The following AGMO variants were observed in gnomAD, a reference collection of about 807,000 sequenced individuals.
The protein encoded by AGMO is glyceryl-ether monooxygenase.
Under a neutral mutation model 60.2 loss-of-function variants are expected in AGMO, and 75 were observed. The ratio of observed to expected loss-of-function variants is 1.25; its 90% CI spans 1.03 to 1.51. The LOEUF (loss-of-function observed/expected upper bound fraction) is 1.51. Ranked by LOEUF, AGMO falls within the 40% of genes most tolerant of loss-of-function variation. AGMO has a pLI of 0.00. For missense variants in AGMO, 763 were observed against 525.5 expected, an observed-to-expected ratio of 1.45 and a Z score of -4.42; for synonymous variants, 261 against 177.1, an observed-to-expected ratio of 1.47 and a Z score of -3.76.
At chr7:15,236,519 C>G (rs1782423973) in intron 12 of AGMO, among the ~76,000 whole-genome samples, 1 of 152,066 alleles carries the variant, frequency 6.6e-6, no homozygotes, top group Non-Finnish European at 1.5e-5. Context: ...TGTGACAATG[C>G]TGTTTCAAGA....
the AGMO span, among the ~76,000 whole-genome samples, chr7:15,175,033 T>C: frequency 6.6e-6 from 1 of 151,840 alleles, no homozygotes; most frequent in African/African-American, 2.4e-5. Flanking sequence ...CTATTGCAAA[T>C]AGTTGTATTT....
chr7:15,268,036 G>A (rs1361681386), intron 12 of AGMO, among the ~76,000 whole-genome samples: 4 of 151,998 alleles, frequency 2.6e-5, no homozygotes, highest in Admixed American at 1.3e-4. Context: ...AACATAGGTT[G>A]CATGATAATA....
chr7:15,474,468 T>C (rs115733868), intron 3 of AGMO, among the ~76,000 whole-genome samples: 2 of 152,108 alleles, frequency 1.3e-5, no homozygotes, highest in Admixed American at 1.3e-4. Context: ...ATTTAATAAC[T>C]GGTGTCGGAA....
intron 10 of AGMO, among the ~76,000 whole-genome samples, chr7:15,376,768 G>T (rs73066509): frequency 0.19 from 28,411 of 151,874 alleles, 2,849 homozygotes; most frequent in African/African-American, 0.23. Flanking sequence ...CCAGGAAGTG[G>T]ACACTGGCAG....
intron 12 of AGMO, among the ~76,000 whole-genome samples, chr7:15,286,130 T>C (rs930232873): frequency 6.6e-5 from 10 of 151,868 alleles, no homozygotes; most frequent in African/African-American, 2.4e-4. Context: ...TTGTATAAAA[T>C]AGCCTAGAAA....
At chr7:15,355,447 GA>G (rs1244615526) in intron 12 of AGMO, among the ~76,000 whole-genome samples, 89 of 132,236 alleles carry the variant, frequency 6.7e-4, no homozygotes, top group Non-Finnish European at 1.4e-4. Context: ...AGCTTGCAGT[GA>G]GCCCAGATCA....
Position 15,201,104 on chromosome 7 carries a change from A to T in AGMO, c.*181T>A, listed in dbSNP as rs1030629781. On this transcript the variant is annotated 3_prime_UTR_variant, in exon 13 of 13. Transcript: ENST00000342526. ...TAAAGGGGGGAAGTAACCAAAACTGACTTTAATTTTTAATAGAAAATAACA... is the reference window on the plus strand; with the variant it reads ...TAAAGGGGGGAAGTAACCAAAACTGTCTTTAATTTTTAATAGAAAATAACA... 4.6e-6 allele frequency: 2 copies of T among 432,670 alleles called. No homozygotes were observed. Among genetic ancestry groups the T allele is most frequent in the Admixed American group, 4.2e-5 (1 of 23,834 alleles). 26.8% of individuals were successfully genotyped at this position (432,670 alleles called of 1,614,324 possible). A position where few individuals can be genotyped will look rare whatever the true frequency, so the allele number is the denominator to read the frequency against.
At chr7:15,533,322 A>G (rs1190527814) in intron 3 of AGMO, among the ~76,000 whole-genome samples, 2 of 151,902 alleles carry the variant, frequency 1.3e-5, no homozygotes, top group Admixed American at 6.6e-5. Flanking sequence ...TTCATTTGCC[A>G]TTTTTCTTAT....
intron 4 of AGMO, among the ~76,000 whole-genome samples, chr7:15,423,985 G>A (rs1418326662): frequency 6.6e-6 from 1 of 152,076 alleles, no homozygotes; most frequent in African/African-American, 2.4e-5. Context: ...CATTTTTATT[G>A]TTATTCCTAA....
At chr7:15,307,873 C>T (rs1044848724) in intron 12 of AGMO, among the ~76,000 whole-genome samples, 14 of 152,084 alleles carry the variant, frequency 9.2e-5, no homozygotes, top group Admixed American at 9.2e-4. Context: ...ATACCTCCTT[C>T]ATATCCCACC....
intron 3 of AGMO, among the ~76,000 whole-genome samples, chr7:15,512,840 CT>C (rs562944890): frequency 6.6e-6 from 1 of 151,420 alleles, no homozygotes; most frequent in East Asian, 1.9e-4. Flanking sequence ...CTTTTTTTTC[CT>C]TTTTCCTTTT....
At chr7:15,345,209 C>G (rs1781988055) in intron 12 of AGMO, among the ~76,000 whole-genome samples, 1 of 152,180 alleles carries the variant, frequency 6.6e-6, no homozygotes, top group African/African-American at 2.4e-5. Context: ...GCACTGTATA[C>G]CCATCAGTTT....
rs115542389 is a variant in AGMO at position 15,408,750 on chromosome 7, A to G, written c.609+9808T>C. Among the ~76,000 whole-genome samples, 897 of 152,068 alleles carry G rather than the reference A, an allele frequency of 5.9e-3. 12 individuals are homozygous for G. The highest frequency in any genetic ancestry group is 0.02 in the African/African-American group (848 of 41,558). ...CTAGCTGCAACAACAGTAGGCAATT[A>G]CATAACCTCTGTATAGTTGTTTCCT... On this transcript the variant is annotated intron_variant, in intron 5 of 12. Transcript: ENST00000342526.
At chr7:15,327,523 G>A (rs10274454) in intron 12 of AGMO, among the ~76,000 whole-genome samples, 3,185 of 151,896 alleles carry the variant, frequency 0.021, 110 homozygotes, top group African/African-American at 0.073. Context: ...ACCAAATTAG[G>A]ACCACACATC....
At chr7:15,369,430 A>G (rs981183854) in intron 10 of AGMO, among the ~76,000 whole-genome samples, 5 of 152,120 alleles carry the variant, frequency 3.3e-5, no homozygotes, top group Non-Finnish European at 7.4e-5. Flanking sequence ...TTAACTCAAC[A>G]TAAGCCATGC....
rs1484131465 is a variant in AGMO, at chr7:15,384,817, C to T, written c.1074+629G>A. On this transcript the variant is annotated intron_variant, in intron 10 of 12. Coordinates refer to ENST00000342526, the MANE Select transcript of AGMO (RefSeq NM_001004320.2). ...ATCTATAAAAAATACCTGTTTTTCTCTTTTTTTTTTTTTTTTTGCAATTTA... is the reference window on the plus strand; with the variant it reads ...ATCTATAAAAAATACCTGTTTTTCTTTTTTTTTTTTTTTTTTTGCAATTTA... 1.4e-3 allele frequency among the ~76,000 whole-genome samples: 171 copies of T among 121,192 alleles called. 1 individual carries two copies. Among genetic ancestry groups the T allele is most frequent in the South Asian group, 3.2e-3 (12 of 3,742 alleles). The allele number at this position is 121,192 out of a possible 152,430, so 79.5% of individuals were successfully genotyped here.
chr7:15,154,270 C>A, the AGMO span, among the ~76,000 whole-genome samples: 1 of 152,220 alleles, frequency 6.6e-6, no homozygotes, highest in East Asian at 1.9e-4. Context: ...GAACTCAACC[C>A]CTTTTACAAT....
chr7:15,168,549 C>T, the AGMO span, among the ~76,000 whole-genome samples: 1 of 152,198 alleles, frequency 6.6e-6, no homozygotes, highest in East Asian at 1.9e-4. Flanking sequence ...AGCTTGTCCA[C>T]AGACCTGTGT....
At chr7:15,142,233 T>G in the AGMO span, among the ~76,000 whole-genome samples, 1 of 152,208 alleles carries the variant, frequency 6.6e-6, no homozygotes, top group Non-Finnish European at 1.5e-5. Flanking sequence ...AAATTAAAAC[T>G]GATTCTAAGC....
Sources: gnomAD v4.1 joint callset for allele counts (sites outside exome capture counted in the v4.1 genomes callset) on GRCh38, gnomAD v4.1.1 for gene constraint, MANE v1.5 for transcripts, NCBI Gene and HGNC (gene_info 2026-07-23, HGNC 2026-07-21) for gene names.